Variants in GALNT13 observed in about 807,000 individuals in gnomAD.
GALNT13 encodes polypeptide N-acetylgalactosaminyltransferase 13.
A neutral mutation model predicts 64.2 loss-of-function variants in GALNT13; 28 were observed. That is an observed-to-expected ratio of 0.44 (90% CI 0.32 to 0.60). GALNT13 has a LOEUF of 0.60. GALNT13 is among the 20% of genes least tolerant of loss of function. The probability of loss-of-function intolerance (pLI) is 0.05; values close to 1 mark genes in which losing one functional copy is unlikely to be tolerated. For synonymous variants in GALNT13, 214 were observed against 224.6 expected (o/e 0.95, Z 0.42); for missense variants, 577 against 669.8 (o/e 0.86, Z 1.53).
At chr2:154,020,072 G>A (rs1408449166) in intron 3 of GALNT13, among the ~76,000 whole-genome samples, 1 of 152,104 alleles carries the variant, frequency 6.6e-6, no homozygotes, top group Admixed American at 6.5e-5. Context: ...TGGTATATAT[G>A]TGCCACATTT....
intron 3 of GALNT13, among the ~76,000 whole-genome samples, chr2:153,963,731 CTGTGTGTGTGTGTGTGTGTGTG>C (rs58455059): frequency 1.8e-4 from 18 of 100,850 alleles, no homozygotes; most frequent in South Asian, 7.7e-4. Flanking sequence ...CTCTCTCTCT[CTGTGTGTGTGTGTGTGTGTGTG>C]TGTGTGTGTG....
chr2:153,549,045 A>G, the GALNT13 span, among the ~76,000 whole-genome samples: 1 of 152,218 alleles, frequency 6.6e-6, no homozygotes, highest in Non-Finnish European at 1.5e-5. Context: ...TTTCTATAAA[A>G]TGTCCAGAAA....
the GALNT13 span, among the ~76,000 whole-genome samples, chr2:153,149,743 T>C: frequency 6.6e-6 from 1 of 151,892 alleles, no homozygotes; most frequent in African/African-American, 2.4e-5. Context: ...TTTTATGCCC[T>C]GCACTTTACC....
chr2:153,350,384 C>CTTTTT, the GALNT13 span, among the ~76,000 whole-genome samples: 13,177 of 129,534 alleles, frequency 0.1, 756 homozygotes, highest in Non-Finnish European at 0.11. Flanking sequence ...TTCTTTCTTT[C>CTTTTT]TTTTTTTTTT....
At chr2:153,284,385 G>GC in the GALNT13 span, among the ~76,000 whole-genome samples, 1 of 152,146 alleles carries the variant, frequency 6.6e-6, no homozygotes, top group Non-Finnish European at 1.5e-5. Flanking sequence ...CCACTCCAGA[G>GC]CAGGCACCTC....
At chr2:153,683,563 C>T in the GALNT13 span, among the ~76,000 whole-genome samples, 2 of 151,580 alleles carry the variant, frequency 1.3e-5, no homozygotes, top group Non-Finnish European at 3.0e-5. Context: ...TAATTTAAAT[C>T]CATTATGATT....
chr2:153,364,437 G>A, the GALNT13 span, among the ~76,000 whole-genome samples: 3 of 152,154 alleles, frequency 2.0e-5, no homozygotes, highest in East Asian at 1.9e-4. Flanking sequence ...AAAAAAGGAA[G>A]CCAAATTGTC....
the GALNT13 span, among the ~76,000 whole-genome samples, chr2:153,724,985 T>C: frequency 6.6e-6 from 1 of 151,666 alleles, no homozygotes; most frequent in Non-Finnish European, 1.5e-5. Flanking sequence ...TAAATCATGC[T>C]GCTATAGAGA....
the GALNT13 span, among the ~76,000 whole-genome samples, chr2:153,603,135 G>A: frequency 2.0e-5 from 3 of 151,828 alleles, no homozygotes; most frequent in Non-Finnish European, 4.4e-5. Flanking sequence ...TTGCTGTCAG[G>A]TATCATCTCA....
At chr2:153,748,583 T>C in the GALNT13 span, among the ~76,000 whole-genome samples, 1 of 152,176 alleles carries the variant, frequency 6.6e-6, no homozygotes, top group Non-Finnish European at 1.5e-5. Flanking sequence ...TTTTGAGAAA[T>C]GTCTATTCAA....
At chr2:153,134,920 C>T in the GALNT13 span, among the ~76,000 whole-genome samples, 6 of 152,186 alleles carry the variant, frequency 3.9e-5, no homozygotes, top group Admixed American at 3.3e-4. Flanking sequence ...AGCATGAGCA[C>T]AGGGTTTGGG....
At chr2:153,773,329 G>C in the GALNT13 span, among the ~76,000 whole-genome samples, 2 of 152,176 alleles carry the variant, frequency 1.3e-5, no homozygotes, top group African/African-American at 4.8e-5. Context: ...AACAGAACTA[G>C]TTCTGGCACT....
At chr2:154,076,452 A>G (rs1700992508) in intron 3 of GALNT13, among the ~76,000 whole-genome samples, 1 of 151,732 alleles carries the variant, frequency 6.6e-6, no homozygotes, top group Admixed American at 6.6e-5. Flanking sequence ...AAACTGAGAT[A>G]CAGAGAGTTT....
the GALNT13 span, among the ~76,000 whole-genome samples, chr2:153,433,048 T>A: frequency 2.0e-5 from 3 of 152,046 alleles, no homozygotes; most frequent in Non-Finnish European, 4.4e-5. Context: ...GAGACTCTCC[T>A]CTATATTATC....
chr2:153,849,485 T>C, the GALNT13 span, among the ~76,000 whole-genome samples: 1 of 152,184 alleles, frequency 6.6e-6, no homozygotes, highest in Non-Finnish European at 1.5e-5. Flanking sequence ...AAAAAATGTA[T>C]GAAACAACAC....
At chr2:154,009,982 A>G (rs1696519803) in intron 3 of GALNT13, among the ~76,000 whole-genome samples, 1 of 152,138 alleles carries the variant, frequency 6.6e-6, no homozygotes, top group Admixed American at 6.5e-5. Context: ...GTGTATAGAA[A>G]TGTTACTGAG....
chr2:153,095,696 A>G, the GALNT13 span, among the ~76,000 whole-genome samples: 2 of 152,208 alleles, frequency 1.3e-5, no homozygotes, highest in African/African-American at 4.8e-5. Context: ...ACCATGGAAT[A>G]CTATGCAGCC....
chr2:153,631,175 A>G, the GALNT13 span, among the ~76,000 whole-genome samples: 5 of 152,060 alleles, frequency 3.3e-5, no homozygotes, highest in African/African-American at 1.2e-4. Flanking sequence ...ATTCCATGGC[A>G]TATATGTGCC....
At chr2:153,984,073 CTT>C (rs11356122) in intron 3 of GALNT13, among the ~76,000 whole-genome samples, 30,920 of 150,892 alleles carry the variant, frequency 0.2, 4,072 homozygotes, top group Middle Eastern at 0.33. Context: ...CCATTCAGTG[CTT>C]TTTTTTTTAT....
Sources: gnomAD v4.1 joint callset for allele counts (sites outside exome capture counted in the v4.1 genomes callset) on GRCh38, gnomAD v4.1.1 for gene constraint, MANE v1.5 for transcripts, NCBI Gene and HGNC (gene_info 2026-07-23, HGNC 2026-07-21) for gene names.